COL21A1: variants seen among roughly 807,000 people sequenced by gnomAD.
COL21A1 encodes collagen type XXI alpha 1 chain.
A neutral mutation model predicts 137.9 loss-of-function variants in COL21A1; 149 were observed. That is an observed-to-expected ratio of 1.08 (90% CI 0.95 to 1.24). COL21A1 has a LOEUF of 1.24. COL21A1 is among the 50% of genes most tolerant of loss of function. The pLI is 0.00. For synonymous variants in COL21A1, 456 were observed against 391.5 expected, an observed-to-expected ratio of 1.16 and a Z score of -1.95; for missense variants, 1,167 against 1,158.4, an observed-to-expected ratio of 1.01 and a Z score of -0.11.
chr6:56,307,219 A>G (rs1172830576), intron 1 of COL21A1, among the ~76,000 whole-genome samples: 1 of 152,198 alleles, frequency 6.6e-6, no homozygotes, highest in Non-Finnish European at 1.5e-5. Context: ...CTCCAGCTAC[A>G]TGCTGGGAGA....
intron 16 of COL21A1, among the ~76,000 whole-genome samples, chr6:56,105,003 T>C (rs1770759498): frequency 1.3e-5 from 2 of 152,216 alleles, no homozygotes; most frequent in Admixed American, 1.3e-4. Flanking sequence ...ATTTTGACTT[T>C]GATCTTATGG....
intron 1 of COL21A1, among the ~76,000 whole-genome samples, chr6:56,261,248 A>G (rs1300451281): frequency 1.3e-5 from 2 of 151,884 alleles, no homozygotes; most frequent in Non-Finnish European, 2.9e-5. Context: ...CACCCTAGGC[A>G]CCTCTCTTGC....
chr6:56,197,290 C>A (rs1323850480), intron 1 of COL21A1, among the ~76,000 whole-genome samples: 1 of 152,006 alleles, frequency 6.6e-6, no homozygotes, highest in Non-Finnish European at 1.5e-5. Flanking sequence ...CTTAATAACA[C>A]TGGTCTCGGC....
intron 1 of COL21A1, among the ~76,000 whole-genome samples, chr6:56,382,058 C>T (rs2094009554): frequency 6.6e-6 from 1 of 152,148 alleles, no homozygotes; most frequent in African/African-American, 2.4e-5. Flanking sequence ...ACAAAAGCAT[C>T]CTGTTTGACA....
At chr6:56,298,718 T>A (rs913255042) in intron 1 of COL21A1, among the ~76,000 whole-genome samples, 13 of 152,104 alleles carry the variant, frequency 8.5e-5, no homozygotes, top group Non-Finnish European at 1.8e-4. Flanking sequence ...CTGCAAGTAT[T>A]CTTGCTCAGC....
At chr6:56,240,814 A>G (rs958709857) in intron 1 of COL21A1, among the ~76,000 whole-genome samples, 6 of 152,146 alleles carry the variant, frequency 3.9e-5, no homozygotes, top group African/African-American at 1.4e-4. Flanking sequence ...CTTGGCCTTT[A>G]TTTAGTATTT....
intron 27 of COL21A1, chr6:56,060,460 G>C (rs1273561927): frequency 4.0e-6 from 2 of 501,382 alleles, no homozygotes; most frequent in Admixed American, 4.0e-5. Context: ...AAAAGAAATT[G>C]GTGGACTATA....
chr6:56,144,818 T>C (rs769105051), intron 10 of COL21A1, among the ~76,000 whole-genome samples: 13 of 152,198 alleles, frequency 8.5e-5, no homozygotes, highest in Non-Finnish European at 1.6e-4. Flanking sequence ...AATTTGAAAT[T>C]GGAAAAGAAC....
At chr6:56,121,527 T>C (rs551517062) in intron 16 of COL21A1, among the ~76,000 whole-genome samples, 1 of 141,770 alleles carries the variant, frequency 7.1e-6, no homozygotes, top group African/African-American at 2.6e-5. Flanking sequence ...TATATATACA[T>C]ATACATATAT....
chr6:56,166,711 C>T (rs1225202030), intron 7 of COL21A1, 195 bp downstream of exon 7: 1 of 673,098 alleles, frequency 1.5e-6, no homozygotes. Context: ...CATACTTGCA[C>T]AATGACACAT....
chr6:56,277,222 G>A (rs1219604440), intron 1 of COL21A1, among the ~76,000 whole-genome samples: 3 of 152,008 alleles, frequency 2.0e-5, no homozygotes, highest in Non-Finnish European at 4.4e-5. Flanking sequence ...GTATACATGT[G>A]CCATGTTGGT....
chr6:56,123,913 T>G, intron 16 of COL21A1, 149 bp downstream of exon 16: 1 of 650,208 alleles, frequency 1.5e-6, no homozygotes, highest in South Asian at 2.3e-5. Flanking sequence ...AGTAGCATTT[T>G]TAAATTACAC....
At chr6:56,206,452 A>T (rs1346343920) in intron 1 of COL21A1, among the ~76,000 whole-genome samples, 2 of 152,066 alleles carry the variant, frequency 1.3e-5, no homozygotes, top group Non-Finnish European at 2.9e-5. Flanking sequence ...TGCCCTAAAT[A>T]TATATGCAAC....
chr6:56,369,519 A>G (rs1477300378), intron 1 of COL21A1, among the ~76,000 whole-genome samples: 1 of 152,144 alleles, frequency 6.6e-6, no homozygotes, highest in Admixed American at 6.5e-5. Context: ...TAAAGAAAAA[A>G]AACTGATGTA....
intron 1 of COL21A1, among the ~76,000 whole-genome samples, chr6:56,257,342 A>C (rs2152330065): frequency 6.6e-6 from 1 of 152,300 alleles, no homozygotes; most frequent in Admixed American, 6.5e-5. Flanking sequence ...CTTTTTGGAA[A>C]AAATTTGGCA....
chr6:56,256,742 C>T (rs1782982925), intron 1 of COL21A1, among the ~76,000 whole-genome samples: 1 of 151,890 alleles, frequency 6.6e-6, no homozygotes, highest in South Asian at 2.1e-4. Flanking sequence ...TTATGAGGCC[C>T]CTTTCATGGT....
At chr6:56,059,956 G>A in intron 28 of COL21A1, 62 bp downstream of exon 28, 2 of 1,193,596 alleles carry the variant, frequency 1.7e-6, no homozygotes, top group Non-Finnish European at 2.4e-6. Flanking sequence ...ATGGATATAG[G>A]GTATGAATTT....
At chr6:56,242,405 T>TA (rs1221127733) in intron 1 of COL21A1, among the ~76,000 whole-genome samples, 4 of 152,136 alleles carry the variant, frequency 2.6e-5, no homozygotes, top group East Asian at 1.9e-4. Flanking sequence ...TACTTTGAAT[T>TA]AAAAAAATCT....
At chr6:56,206,231 G>A (rs114082114) in intron 1 of COL21A1, among the ~76,000 whole-genome samples, 2,588 of 151,750 alleles carry the variant, frequency 0.017, 76 homozygotes, top group African/African-American at 0.06. Context: ...GCTGTATCCA[G>A]GAGATCCAAC....
Sources: allele counts gnomAD v4.1 joint callset (sites outside exome capture counted in the v4.1 genomes callset), GRCh38; gene constraint gnomAD v4.1.1; transcripts MANE v1.5; gene names NCBI Gene and HGNC (gene_info 2026-07-23, HGNC 2026-07-21).